The following MTSS1 variants were observed in gnomAD, a reference collection of about 807,000 sequenced individuals.
The protein encoded by MTSS1 is MTSS I-BAR domain containing 1, also known as protein MTSS 1.
A neutral mutation model predicts 79.0 loss-of-function variants in MTSS1; 18 were observed. The ratio of observed to expected loss-of-function variants is 0.23; its 90% confidence interval spans 0.16 to 0.34. MTSS1 has a LOEUF of 0.34. MTSS1 is among the 10% of genes least tolerant of loss of function. The probability of loss-of-function intolerance (pLI) is 1.00; values close to 1 mark genes in which losing one functional copy is unlikely to be tolerated. For missense variants in MTSS1, 815 were observed against 986.2 expected (o/e 0.83, Z 2.33); for synonymous variants, 341 against 368.6 (o/e 0.93, Z 0.86).
At chr8:124,571,734 G>A (rs921398004) in intron 6 of MTSS1, among the ~76,000 whole-genome samples, 13 of 152,216 alleles carry the variant, frequency 8.5e-5, no homozygotes, top group African/African-American at 2.4e-4. Context: ...GGGAGGCCGC[G>A]GCGGGCGGAT....
In MTSS1 at chr8:124,552,050, C is replaced by CATT. The variant is rs1822605091; in HGVS notation, c.*939_*941dup. ...TAATCTAAGAATTCCCTGCTATTAT[C>CATT]ATTTTTAAATGTTTTCACATTTTTA... On this transcript the variant is annotated 3_prime_UTR_variant, in exon 14 of 14. Coordinates refer to ENST00000518547, the MANE Select transcript of MTSS1 (RefSeq NM_014751.6). The CATT allele has an allele frequency of 6.6e-6, 1 of 152,644 alleles. No individual in the cohort carries two copies. The highest frequency in any genetic ancestry group is 1.5e-5 in the Non-Finnish European group (1 of 68,036). The allele number at this position is 152,644 out of a possible 1,614,324, so 9.5% of individuals were successfully genotyped here. A position where few individuals can be genotyped will look rare whatever the true frequency, so the allele number is the denominator to read the frequency against.
At chr8:124,675,946 A>G (rs2134804046) in intron 3 of MTSS1, among the ~76,000 whole-genome samples, 1 of 152,358 alleles carries the variant, frequency 6.6e-6, no homozygotes, top group South Asian at 2.1e-4. Context: ...GTTGCGGTAG[A>G]CATTCATGTA....
intron 3 of MTSS1, among the ~76,000 whole-genome samples, chr8:124,616,371 T>TAAAAAAA (rs68110053): frequency 2.5e-5 from 3 of 119,612 alleles, no homozygotes; most frequent in Non-Finnish European, 5.2e-5. Flanking sequence ...TTTCAGGCAG[T>TAAAAAAA]AAAAAAAAAA....
intron 3 of MTSS1, among the ~76,000 whole-genome samples, chr8:124,613,692 G>C (rs193266192): frequency 6.6e-6 from 1 of 152,182 alleles, no homozygotes; most frequent in Non-Finnish European, 1.5e-5. Context: ...TATTTCCATA[G>C]ACAATGAGTC....
At chr8:124,629,885 C>T (rs915114000) in intron 3 of MTSS1, among the ~76,000 whole-genome samples, 16 of 152,202 alleles carry the variant, frequency 1.1e-4, no homozygotes, top group Non-Finnish European at 1.9e-4. Flanking sequence ...CTTTTAAAAA[C>T]ATATCACACA....
intron 3 of MTSS1, among the ~76,000 whole-genome samples, chr8:124,627,736 T>C (rs1814998984): frequency 1.3e-5 from 2 of 151,944 alleles, no homozygotes; most frequent in Admixed American, 6.6e-5. Context: ...GCTAGGAGGG[T>C]GAAAGGCCTT....
chr8:124,611,109 C>G (rs537372922), intron 3 of MTSS1, among the ~76,000 whole-genome samples: 9 of 144,728 alleles, frequency 6.2e-5, no homozygotes, highest in Non-Finnish European at 1.1e-4. Context: ...CAGACAGACC[C>G]CCCCCCCCCA....
chr8:124,593,624 C>G (rs1039856294), intron 3 of MTSS1, among the ~76,000 whole-genome samples: 2 of 152,188 alleles, frequency 1.3e-5, no homozygotes, highest in South Asian at 2.1e-4. Context: ...ACGTACAGCG[C>G]TTAGGATGTG....
At chr8:124,593,221 A>G (rs780873053) in intron 3 of MTSS1, among the ~76,000 whole-genome samples, 3 of 152,220 alleles carry the variant, frequency 2.0e-5, no homozygotes, top group Non-Finnish European at 2.9e-5. Context: ...TCCCCGGGAA[A>G]TATTTCCTAT....
chr8:124,591,341 A>G (rs1165204418), intron 3 of MTSS1, 106 bp from the exon 4 acceptor site: 1 of 875,870 alleles, frequency 1.1e-6, no homozygotes, highest in Non-Finnish European at 1.9e-6. Context: ...ATTGTAAAAT[A>G]TAAGCCACCA....
chr8:124,700,340 C>T (rs1829537526), intron 2 of MTSS1, among the ~76,000 whole-genome samples: 1 of 152,068 alleles, frequency 6.6e-6, no homozygotes, highest in Non-Finnish European at 1.5e-5. Flanking sequence ...TCATGTAGTT[C>T]AAACAATTCA....
chr8:124,654,465 C>T (rs928336259), intron 3 of MTSS1, among the ~76,000 whole-genome samples: 1 of 152,156 alleles, frequency 6.6e-6, no homozygotes, highest in Non-Finnish European at 1.5e-5. Flanking sequence ...CAGAGAAGTT[C>T]TTCCTCCCTC....
At chr8:124,672,077 TCTGAAGGAATA>T (rs1243509373) in intron 3 of MTSS1, among the ~76,000 whole-genome samples, 1 of 152,230 alleles carries the variant, frequency 6.6e-6, no homozygotes, top group Non-Finnish European at 1.5e-5. Context: ...CTTCATAATT[TCTGAAGGAATA>T]CTAATTAAGA....
At chr8:124,600,964 T>G (rs974819693) in intron 3 of MTSS1, among the ~76,000 whole-genome samples, 2 of 151,710 alleles carry the variant, frequency 1.3e-5, no homozygotes, top group African/African-American at 4.9e-5. Flanking sequence ...CCAGTGAGCC[T>G]CCATCCTCTG....
chr8:124,677,340 G>T (rs1016359597), intron 3 of MTSS1, among the ~76,000 whole-genome samples: 1 of 152,148 alleles, frequency 6.6e-6, no homozygotes, highest in Non-Finnish European at 1.5e-5. Context: ...GGGACATTCT[G>T]CCAGGAAAGG....
chr8:124,687,415 A>C (rs550469428), intron 3 of MTSS1, among the ~76,000 whole-genome samples: 1 of 152,180 alleles, frequency 6.6e-6, no homozygotes, highest in Admixed American at 6.5e-5. Context: ...CAAATGAAGT[A>C]TCACTCTCCT....
rs146496184 is a variant in MTSS1, at chr8:124,724,832, C to T, written c.72+3052G>A. Among the ~76,000 whole-genome samples the T allele has an allele frequency of 3.0e-4, 46 of 152,254 alleles. No individual in the cohort carries two copies. The East Asian group carries it at 8.1e-3, about 27-fold the overall frequency. ...AGGACCTCCTTGATGCAGTCAAGAT[C>T]GTCTACACATCGGAAGGCAGTCAAC... On this transcript the variant is annotated intron_variant, in intron 1 of 13. Coordinates refer to ENST00000518547, the MANE Select transcript of MTSS1 (RefSeq NM_014751.6).
At chr8:124,660,418 T>C (rs1821786713) in intron 3 of MTSS1, among the ~76,000 whole-genome samples, 1 of 140,448 alleles carries the variant, frequency 7.1e-6, no homozygotes, top group African/African-American at 2.7e-5. Context: ...ATTTAGAAAG[T>C]TGCCCATGCG....
chr8:124,685,172 T>C (rs1826757015), intron 3 of MTSS1, among the ~76,000 whole-genome samples: 1 of 152,256 alleles, frequency 6.6e-6, no homozygotes, highest in African/African-American at 2.4e-5. Context: ...TCCAGAACTT[T>C]TCATCATCCC....
Sources: allele counts gnomAD v4.1 joint callset (sites outside exome capture counted in the v4.1 genomes callset), GRCh38; gene constraint gnomAD v4.1.1; transcripts MANE v1.5; gene names NCBI Gene and HGNC (gene_info 2026-07-23, HGNC 2026-07-21).